Variants in CDKL1 observed in about 807,000 individuals in gnomAD.
The protein encoded by CDKL1 is cyclin dependent kinase like 1, also known as cyclin-dependent kinase-like 1.
A neutral mutation model predicts 42.0 loss-of-function variants in CDKL1; 41 were observed. The ratio of observed to expected loss-of-function variants is 0.98; its 90% CI spans 0.76 to 1.27. The LOEUF is 1.27. Among genes scored for constraint, CDKL1 ranks in the 50% most tolerant of loss-of-function variants. The pLI, the probability that CDKL1 is intolerant of heterozygous loss-of-function variation, is 0.00. For missense variants in CDKL1, 394 were observed against 428.4 expected (o/e 0.92, Z 0.71); for synonymous variants, 153 against 158.6 (o/e 0.96, Z 0.26).
Position 50,374,069 on chromosome 14 carries a change from C to G in CDKL1, c.169-14920G>C, listed in dbSNP as rs575957303. 3.9e-5 allele frequency among the ~76,000 whole-genome samples: 6 copies of G among 152,258 alleles called. No individual in the cohort carries two copies. In the South Asian group the frequency reaches 6.2e-4, roughly 16 times the overall value. ...AAGGATGAAAAAATTGTGCTACATTCATATAACGTGATATCATCCACCGAT... is the reference window on the plus strand; with the variant it reads ...AAGGATGAAAAAATTGTGCTACATTGATATAACGTGATATCATCCACCGAT... On this transcript the variant is annotated intron_variant, in intron 2 of 9. Coordinates refer to ENST00000395834, the MANE Select transcript of CDKL1 (RefSeq NM_004196.7).
intron 7 of CDKL1, among the ~76,000 whole-genome samples, chr14:50,338,430 G>C (rs1409437910): frequency 2.6e-5 from 4 of 152,124 alleles, no homozygotes; most frequent in Non-Finnish European, 5.9e-5. Context: ...GTTTCATCAT[G>C]TTGGCCAGGC....
chr14:50,380,664 C>G (rs2034877796), intron 2 of CDKL1, among the ~76,000 whole-genome samples: 1 of 152,142 alleles, frequency 6.6e-6, no homozygotes, highest in Non-Finnish European at 1.5e-5. Flanking sequence ...AACTGGATCT[C>G]CTGGTGAACA....
intron 3 of CDKL1, chr14:50,358,055 G>T: frequency 7.4e-7 from 1 of 1,355,966 alleles, no homozygotes; most frequent in Non-Finnish European, 9.9e-7. Flanking sequence ...CTTCAGGAAG[G>T]GACCCCCTCC....
At position 50,396,195 on chromosome 14, in the gene CDKL1, AAAAAAAAAAAAAAAAAAAGAAAG is replaced by A. The variant is rs1274562358; in HGVS notation, c.-350_-328del. 2 of 921,308 alleles carry A rather than the reference AAAAAAAAAAAAAAAAAAAGAAAG, an allele frequency of 2.2e-6. No individual in the cohort carries two copies. Among genetic ancestry groups the A allele is most frequent in the African/African-American group, 3.7e-5 (2 of 54,130 alleles). 57.1% of individuals were successfully genotyped at this position (921,308 alleles called of 1,614,324 possible). Reference sequence around the variant, plus strand: ...AGCGAGATTCCGTCTCAAAAAAAAAAAAAAAAAAAAAAAAAAAAGAAAGAAAGAAAAGAAAAGAAAGGATCTTC... The same window carrying A: ...AGCGAGATTCCGTCTCAAAAAAAAAAAAAGAAAAGAAAAGAAAGGATCTTC... On this transcript the variant is annotated 5_prime_UTR_variant, in exon 2 of 10. Transcript: ENST00000395834.
At position 50,326,661 on chromosome 14, in the gene CDKL1, C is replaced by A; in HGVS notation, c.*3413G>T. ...ATTAAAACTGGACATAGATACTTGG[C>A]TGAATACAAATAGTTTTGCAGATTG... is the stretch of plus-strand genomic sequence containing the variant. On this transcript the variant is annotated 3_prime_UTR_variant, in exon 10 of 10. Coordinates refer to ENST00000395834, the MANE Select transcript of CDKL1 (RefSeq NM_004196.7). The A allele has an allele frequency of 1.0e-6, 1 of 985,208 alleles. No individual in the cohort carries two copies. Among genetic ancestry groups the A allele is most frequent in the Non-Finnish European group, 1.2e-6 (1 of 829,782 alleles). 61.0% of individuals were successfully genotyped at this position (985,208 alleles called of 1,614,324 possible). A position where few individuals can be genotyped will look rare whatever the true frequency, so the allele number is the denominator to read the frequency against.
intron 2 of CDKL1, chr14:50,390,395 C>T (rs2035221463): frequency 7.4e-7 from 1 of 1,352,476 alleles, no homozygotes; most frequent in Non-Finnish European, 9.9e-7. Context: ...TCTTTCTTTC[C>T]TCTTCTTACC....
chr14:50,361,975 C>A (rs957705385), intron 2 of CDKL1, among the ~76,000 whole-genome samples: 1 of 152,218 alleles, frequency 6.6e-6, no homozygotes, highest in African/African-American at 2.4e-5. Context: ...AGGCGGGAAC[C>A]GGCGAGTTCC....
At chr14:50,368,434 T>A (rs1042457569) in intron 2 of CDKL1, among the ~76,000 whole-genome samples, 30 of 152,004 alleles carry the variant, frequency 2.0e-4, no homozygotes, top group African/African-American at 7.3e-4. Flanking sequence ...TTTTTTATTT[T>A]TAAAATTTTT....
chr14:50,334,796 T>C (rs949755181), intron 7 of CDKL1, 175 bp from the exon 8 acceptor site: 4 of 553,294 alleles, frequency 7.2e-6, no homozygotes, highest in South Asian at 4.8e-5. Context: ...AAGCTTTCTC[T>C]CCCCACCTCC....
intron 3 of CDKL1, among the ~76,000 whole-genome samples, chr14:50,355,603 A>G (rs535699311): frequency 2.4e-4 from 36 of 152,344 alleles, no homozygotes; most frequent in African/African-American, 8.4e-4. Flanking sequence ...CAAGTGCCAA[A>G]TATGCAGCTA....
chr14:50,332,922 T>C, intron 8 of CDKL1: 1 of 338,948 alleles, frequency 3.0e-6, no homozygotes. Flanking sequence ...TTTTTTTTTT[T>C]TGGTGTATCC....
chr14:50,364,195 C>T (rs1465213236), intron 2 of CDKL1, among the ~76,000 whole-genome samples: 3 of 152,208 alleles, frequency 2.0e-5, no homozygotes, highest in African/African-American at 2.4e-5. Context: ...CTTAGCTGGG[C>T]GTGGTGACTC....
chr14:50,328,444 AAT>A lies in CDKL1; in HGVS notation c.*1628_*1629del, dbSNP rs1368387553. On this transcript the variant is annotated 3_prime_UTR_variant, in exon 10 of 10. Transcript: ENST00000395834. ...CAGACCTCAGTGGATTACTTAAGTA[AAT>A]GGGGTCAGATGTCATCATGAAGAAA... 6.6e-6 allele frequency: 1 copy of A among 152,160 alleles called. No homozygotes were observed. Among genetic ancestry groups the A allele is most frequent in the Non-Finnish European group, 1.5e-5 (1 of 68,040 alleles). 9.4% of individuals were successfully genotyped at this position (152,160 alleles called of 1,614,324 possible).
intron 4 of CDKL1, chr14:50,343,142 T>A: frequency 1.3e-4 from 69 of 537,942 alleles, no homozygotes; most frequent in Non-Finnish European, 1.8e-4. Flanking sequence ...ATCAACAACC[T>A]AATTAAGAGT....
At chr14:50,380,271 T>A (rs1168596757) in intron 2 of CDKL1, 1 of 527,202 alleles carries the variant, frequency 1.9e-6, no homozygotes, top group South Asian at 1.4e-5. Context: ...AGTACCACCA[T>A]CAAAGACTTA....
At chr14:50,392,168 A>G (rs899456111) in intron 2 of CDKL1, among the ~76,000 whole-genome samples, 1 of 152,226 alleles carries the variant, frequency 6.6e-6, no homozygotes, top group Non-Finnish European at 1.5e-5. Context: ...CACTATGGCC[A>G]GGAGCGGGGG....
intron 2 of CDKL1, chr14:50,377,805 T>A: frequency 1.1e-6 from 1 of 944,312 alleles, no homozygotes; most frequent in Non-Finnish European, 1.4e-6. Context: ...TGTTAACACC[T>A]ATAAATCACT....
chr14:50,371,536 G>A (rs1026699163), intron 2 of CDKL1, among the ~76,000 whole-genome samples: 3 of 152,236 alleles, frequency 2.0e-5, no homozygotes, highest in Non-Finnish European at 2.9e-5. Flanking sequence ...TTTGAGAGAT[G>A]TCCATTCAGA....
chr14:50,343,023 T>C, intron 4 of CDKL1: 1 of 1,352,984 alleles, frequency 7.4e-7, no homozygotes, highest in Non-Finnish European at 9.8e-7. Context: ...CACCTGTGGT[T>C]TCCAGCCCAC....
Sources: allele counts gnomAD v4.1 joint callset (sites outside exome capture counted in the v4.1 genomes callset), GRCh38; gene constraint gnomAD v4.1.1; transcripts MANE v1.5; gene names NCBI Gene and HGNC (gene_info 2026-07-23, HGNC 2026-07-21).